The following SLC14A2 variants were observed in gnomAD, a reference collection of about 807,000 sequenced individuals.
The protein encoded by SLC14A2 is urea transporter 2.
A neutral mutation model predicts 104.6 loss-of-function variants in SLC14A2; 91 were observed. The ratio of observed to expected loss-of-function variants is 0.87; its 90% CI spans 0.73 to 1.04. SLC14A2 has a LOEUF of 1.04. Ranked by LOEUF, SLC14A2 falls within the 50% of genes least tolerant of loss-of-function variation. SLC14A2 has a pLI of 0.00. For synonymous variants in SLC14A2, 476 were observed against 466.4 expected, an observed-to-expected ratio of 1.02 and a Z score of -0.27; for missense variants, 1,189 against 1,156.0, an observed-to-expected ratio of 1.03 and a Z score of -0.41.
intron 2 of SLC14A2, among the ~76,000 whole-genome samples, chr18:45,567,697 C>A (rs920754709): frequency 6.6e-6 from 1 of 151,672 alleles, no homozygotes; most frequent in Non-Finnish European, 1.5e-5. Context: ...CCACCTCTCT[C>A]GGCCTCTACC....
At chr18:45,627,804 G>T (rs760908079) in intron 4 of SLC14A2, among the ~76,000 whole-genome samples, 1 of 152,102 alleles carries the variant, frequency 6.6e-6, no homozygotes, top group Admixed American at 6.5e-5. Context: ...GAGGCCAGGA[G>T]TTTGAAGCCA....
chr18:45,494,136 T>C (rs980375532), intron 2 of SLC14A2, among the ~76,000 whole-genome samples: 2 of 152,250 alleles, frequency 1.3e-5, no homozygotes, highest in African/African-American at 4.8e-5. Flanking sequence ...AAGGGTGATC[T>C]GGAGACCAGG....
the SLC14A2 span, among the ~76,000 whole-genome samples, chr18:45,184,698 C>T: frequency 9.9e-5 from 15 of 152,270 alleles, no homozygotes; most frequent in East Asian, 2.7e-3. Flanking sequence ...TTAAACAAGG[C>T]ATAAGTAGTA....
chr18:45,333,085 T>TC (rs1254281293), intron 1 of SLC14A2, among the ~76,000 whole-genome samples: 1 of 152,188 alleles, frequency 6.6e-6, no homozygotes, highest in Non-Finnish European at 1.5e-5. Context: ...TTGGCTTTTT[T>TC]CTCTTTGCTA....
chr18:45,517,338 C>A (rs978570894), intron 2 of SLC14A2, among the ~76,000 whole-genome samples: 1 of 152,258 alleles, frequency 6.6e-6, no homozygotes. Context: ...AATATCTGCA[C>A]AAAGGGCAGA....
At chr18:45,582,666 C>CAG (rs777396471) in intron 2 of SLC14A2, among the ~76,000 whole-genome samples, 1 of 152,152 alleles carries the variant, frequency 6.6e-6, no homozygotes, top group Non-Finnish European at 1.5e-5. Context: ...CTGGGTCACA[C>CAG]AGAGAGCTTT....
At chr18:45,494,900 T>TCACACACACACACA (rs531108146) in intron 2 of SLC14A2, among the ~76,000 whole-genome samples, 1 of 96,474 alleles carries the variant, frequency 1.0e-5, no homozygotes, top group Non-Finnish European at 2.0e-5. Flanking sequence ...AATCGGGTCA[T>TCACACACACACACA]CACACACACA....
intron 8 of SLC14A2, 35 bp downstream of exon 8, chr18:45,641,378 C>A: frequency 6.2e-7 from 1 of 1,611,832 alleles, no homozygotes; most frequent in Non-Finnish European, 8.5e-7. Flanking sequence ...CCAGGTTATT[C>A]TGGCTATTCC....
At chr18:45,543,669 C>T (rs1402953906) in intron 2 of SLC14A2, among the ~76,000 whole-genome samples, 1 of 152,166 alleles carries the variant, frequency 6.6e-6, no homozygotes, top group Non-Finnish European at 1.5e-5. Flanking sequence ...AAACATGGCT[C>T]AGCTCAAACT....
chr18:45,675,711 T>A (rs61637817), intron 18 of SLC14A2, among the ~76,000 whole-genome samples: 13,046 of 46,406 alleles, frequency 0.28, 571 homozygotes, highest in Middle Eastern at 0.37. Flanking sequence ...ATATATATAT[T>A]TTTTTTTTTT....
At chr18:45,281,285 A>G (rs916501459) in intron 1 of SLC14A2, among the ~76,000 whole-genome samples, 1 of 152,126 alleles carries the variant, frequency 6.6e-6, no homozygotes, top group African/African-American at 2.4e-5. Context: ...GTATGCTGCT[A>G]TATCATATAT....
intron 1 of SLC14A2, among the ~76,000 whole-genome samples, chr18:45,233,887 C>T (rs2084200320): frequency 1.3e-5 from 2 of 151,338 alleles, no homozygotes; most frequent in Admixed American, 6.6e-5. Context: ...ACTCATTTGC[C>T]TCTGTGTTTT....
At chr18:45,603,407 A>G (rs1183498428) in intron 2 of SLC14A2, among the ~76,000 whole-genome samples, 1 of 152,078 alleles carries the variant, frequency 6.6e-6, no homozygotes, top group Non-Finnish European at 1.5e-5. Context: ...CAGATGACAG[A>G]GTCACTGAAA....
At chr18:45,413,936 G>A (rs1179248019) in intron 1 of SLC14A2, among the ~76,000 whole-genome samples, 4 of 151,928 alleles carry the variant, frequency 2.6e-5, no homozygotes, top group African/African-American at 4.8e-5. Context: ...ACCCCCACAG[G>A]TATACTAATA....
chr18:45,559,608 T>C (rs976317246), intron 2 of SLC14A2, among the ~76,000 whole-genome samples: 1 of 152,220 alleles, frequency 6.6e-6, no homozygotes, highest in East Asian at 1.9e-4. Flanking sequence ...CCCTGTGGTA[T>C]AAAATCCATA....
chr18:45,607,798 T>A (rs191299108), intron 2 of SLC14A2, among the ~76,000 whole-genome samples: 51 of 152,316 alleles, frequency 3.3e-4, no homozygotes, highest in African/African-American at 1.1e-3. Context: ...AAGGCTTGAC[T>A]GGGGCTGGAA....
chr18:45,202,129 A>G, the SLC14A2 span, among the ~76,000 whole-genome samples: 1 of 152,216 alleles, frequency 6.6e-6, no homozygotes, highest in Non-Finnish European at 1.5e-5. Context: ...GTTTAAACAA[A>G]GAAACTTAAA....
chr18:45,368,827 G>A (rs76782453), intron 1 of SLC14A2, among the ~76,000 whole-genome samples: 3,266 of 152,220 alleles, frequency 0.021, 93 homozygotes, highest in African/African-American at 0.075. Context: ...GAAGTGTTCC[G>A]AGTAAAGTTA....
intron 1 of SLC14A2, among the ~76,000 whole-genome samples, chr18:45,619,461 A>G (rs2045128660): frequency 6.6e-6 from 1 of 152,218 alleles, no homozygotes; most frequent in African/African-American, 2.4e-5. Flanking sequence ...GGGTTCTTAC[A>G]AAGAGGATGG....
Sources: gnomAD v4.1 joint callset for allele counts (sites outside exome capture counted in the v4.1 genomes callset) on GRCh38, gnomAD v4.1.1 for gene constraint, MANE v1.5 for transcripts, NCBI Gene and HGNC (gene_info 2026-07-23, HGNC 2026-07-21) for gene names.